AUTS2: variants seen among roughly 807,000 people sequenced by gnomAD.
AUTS2 encodes the protein autism susceptibility gene 2 protein.
A neutral mutation model predicts 112.4 loss-of-function variants in AUTS2; 17 were observed. That is an observed-to-expected ratio of 0.15 (90% CI 0.10 to 0.23). The LOEUF is 0.23. Among genes scored for constraint, AUTS2 ranks in the 10% least tolerant of loss-of-function variants. The pLI is 1.00. For missense variants in AUTS2, 1,510 were observed against 1,701.6 expected (o/e 0.89, Z 1.98); for synonymous variants, 751 against 702.7 (o/e 1.07, Z -1.09).
intron 6 of AUTS2, among the ~76,000 whole-genome samples, chr7:70,737,402 C>G (rs1381630271): frequency 6.6e-6 from 1 of 152,242 alleles, no homozygotes; most frequent in East Asian, 1.9e-4. Context: ...GGAAGAGAAC[C>G]TCACGTTTCT....
chr7:69,797,363 G>T (rs896359820), intron 1 of AUTS2, among the ~76,000 whole-genome samples: 5 of 152,194 alleles, frequency 3.3e-5, no homozygotes, highest in African/African-American at 1.2e-4. Flanking sequence ...AGGATTATGT[G>T]CAGATCCCGA....
At chr7:69,946,355 G>T (rs1167386795) in intron 2 of AUTS2, among the ~76,000 whole-genome samples, 1 of 152,108 alleles carries the variant, frequency 6.6e-6, no homozygotes, top group Non-Finnish European at 1.5e-5. Context: ...CCGTGTAGAA[G>T]TTCCTCAAAA....
chr7:69,610,563 C>T (rs1371005256), intron 1 of AUTS2, among the ~76,000 whole-genome samples: 3 of 152,258 alleles, frequency 2.0e-5, no homozygotes, highest in East Asian at 1.9e-4. Context: ...CACGTGTTCC[C>T]GGTGCTCTGT....
rs183250980 is a variant in AUTS2, at chr7:70,385,329, G to A, written c.661-50423G>A. On this transcript the variant is annotated intron_variant, in intron 4 of 18. Coordinates refer to ENST00000342771, the MANE Select transcript of AUTS2 (RefSeq NM_015570.4). ...AAAGCCACAAGGAGGTCATTGTGGAGTTGTTGACTTTTTTATCTTCTTGAT... is the reference window on the plus strand; with the variant it reads ...AAAGCCACAAGGAGGTCATTGTGGAATTGTTGACTTTTTTATCTTCTTGAT... Among the ~76,000 whole-genome samples the A allele has an allele frequency of 9.3e-4, 142 of 152,360 alleles. 2 individuals carry two copies. Among genetic ancestry groups the A allele is most frequent in the African/African-American group, 3.2e-3 (132 of 41,596 alleles).
intron 2 of AUTS2, among the ~76,000 whole-genome samples, chr7:69,952,308 A>G (rs1440461951): frequency 6.6e-6 from 1 of 152,206 alleles, no homozygotes; most frequent in Non-Finnish European, 1.5e-5. Context: ...AACATTCACT[A>G]AATTATTAAG....
intron 4 of AUTS2, chr7:70,292,633 G>A (rs570905434): frequency 6.6e-6 from 1 of 152,290 alleles, no homozygotes; most frequent in South Asian, 2.1e-4. Flanking sequence ...CAGCAAATGA[G>A]ACATTAAAGG....
chr7:70,636,680 T>G (rs1169866966), intron 5 of AUTS2, among the ~76,000 whole-genome samples: 1 of 150,482 alleles, frequency 6.6e-6, no homozygotes, highest in African/African-American at 2.5e-5. Flanking sequence ...AGAGTCTCAC[T>G]CTGTCTCCCA....
intron 1 of AUTS2, among the ~76,000 whole-genome samples, chr7:69,726,481 A>G (rs1786520900): frequency 6.6e-6 from 1 of 151,388 alleles, no homozygotes; most frequent in African/African-American, 2.4e-5. Flanking sequence ...GCTATTATGA[A>G]TAAAGCTGTA....
At chr7:69,919,395 C>T (rs1023490919) in intron 2 of AUTS2, among the ~76,000 whole-genome samples, 7 of 152,174 alleles carry the variant, frequency 4.6e-5, no homozygotes, top group African/African-American at 7.2e-5. Context: ...AAGACAAAGA[C>T]GTCTTGTCTT....
chr7:69,870,448 A>AATATATATATATGTATATATATAT lies in AUTS2; in HGVS notation c.310-28826_310-28825insGTATATATATATATATATATATAT, dbSNP rs56728110. Among the ~76,000 whole-genome samples, 64 of 78,970 alleles carry AATATATATATATGTATATATATAT rather than the reference A, an allele frequency of 8.1e-4. 2 individuals carry two copies. In the East Asian group the frequency reaches 0.021, roughly 26 times the overall value. The allele number at this position is 78,970 out of a possible 152,430, so 51.8% of individuals were successfully genotyped here. A position where few individuals can be genotyped will look rare whatever the true frequency, so the allele number is the denominator to read the frequency against. ...TACATATCTGTGCGTATGTGTGTGTAATATATATATATATATATGTATTCA... is the reference window on the plus strand; with the variant it reads ...TACATATCTGTGCGTATGTGTGTGTAATATATATATATGTATATATATATATATATATATATATATATGTATTCA... On this transcript the variant is annotated intron_variant, in intron 1 of 18. Coordinates refer to ENST00000342771, the MANE Select transcript of AUTS2 (RefSeq NM_015570.4).
chr7:70,181,998 T>C (rs1408098705), intron 4 of AUTS2, among the ~76,000 whole-genome samples: 2 of 149,304 alleles, frequency 1.3e-5, no homozygotes, highest in African/African-American at 5.0e-5. Context: ...CGGTATTTCA[T>C]CGTGTTAGCC....
chr7:70,038,911 A>C (rs752253996), intron 2 of AUTS2, among the ~76,000 whole-genome samples: 1 of 152,014 alleles, frequency 6.6e-6, no homozygotes, highest in Non-Finnish European at 1.5e-5. Context: ...GGTGCCCACC[A>C]TCATGCCCGG....
At chr7:70,418,075 C>CTGTGTGTGTGTGTGTGTGTGTG (rs34869843) in intron 4 of AUTS2, among the ~76,000 whole-genome samples, 68 of 136,462 alleles carry the variant, frequency 5.0e-4, no homozygotes, top group Non-Finnish European at 8.1e-4. Flanking sequence ...GGCTAACTTT[C>CTGTGTGTGTGTGTGTGTGTGTG]TGTGTGTGTG....
chr7:70,261,915 T>C (rs568255319), intron 4 of AUTS2, among the ~76,000 whole-genome samples: 1 of 152,312 alleles, frequency 6.6e-6, no homozygotes, highest in East Asian at 1.9e-4. Context: ...TGGCTTATAG[T>C]TTTTTCTATC....
At chr7:69,740,523 C>CTTTTTTTT in intron 1 of AUTS2, among the ~76,000 whole-genome samples, 1 of 150,192 alleles carries the variant, frequency 6.7e-6, no homozygotes, top group Non-Finnish European at 1.5e-5. Context: ...TCAGAAATGT[C>CTTTTTTTT]TTTTTTTTTT....
intron 1 of AUTS2, among the ~76,000 whole-genome samples, chr7:69,727,739 G>C (rs1323085510): frequency 1.3e-5 from 2 of 152,150 alleles, no homozygotes; most frequent in African/African-American, 4.8e-5. Context: ...TTTATAGTAA[G>C]TCTTGAAATG....
At chr7:69,777,722 T>C (rs1788955710) in intron 1 of AUTS2, among the ~76,000 whole-genome samples, 2 of 152,234 alleles carry the variant, frequency 1.3e-5, no homozygotes, top group African/African-American at 4.8e-5. Context: ...AAAATTAGGC[T>C]TCCGAGAAAA....
intron 2 of AUTS2, among the ~76,000 whole-genome samples, chr7:70,022,249 A>G (rs532607599): frequency 1.3e-5 from 2 of 151,746 alleles, no homozygotes; most frequent in African/African-American, 2.4e-5. Context: ...TAGTATCTGA[A>G]GAAAGGAGGC....
intron 2 of AUTS2, among the ~76,000 whole-genome samples, chr7:70,082,536 C>T (rs1803372698): frequency 1.3e-5 from 2 of 152,168 alleles, no homozygotes; most frequent in Non-Finnish European, 2.9e-5. Context: ...AATGTCTGAA[C>T]CGTGTCTGAA....
Sources: gnomAD v4.1 joint callset for allele counts (sites outside exome capture counted in the v4.1 genomes callset) on GRCh38, gnomAD v4.1.1 for gene constraint, MANE v1.5 for transcripts, NCBI Gene and HGNC (gene_info 2026-07-23, HGNC 2026-07-21) for gene names.